The following ANKS1B variants were observed in gnomAD, a reference collection of about 807,000 sequenced individuals.
ANKS1B encodes ankyrin repeat and sterile alpha motif domain containing 1B.
Under a neutral mutation model 148.3 loss-of-function variants are expected in ANKS1B, and 36 were observed. The ratio of observed to expected loss-of-function variants is 0.24; its 90% CI spans 0.19 to 0.32. The LOEUF is 0.32. Ranked by LOEUF, ANKS1B falls within the 10% of genes least tolerant of loss-of-function variation. The probability of loss-of-function intolerance (pLI) is 1.00; values close to 1 mark genes in which losing one functional copy is unlikely to be tolerated. For missense variants in ANKS1B, 1,157 were observed against 1,542.6 expected (o/e 0.75, Z 4.19); for synonymous variants, 542 against 560.8 (o/e 0.97, Z 0.47).
At position 99,542,101 on chromosome 12, in the gene ANKS1B, T is replaced by C. The variant is rs189019903; in HGVS notation, c.1273-37460A>G. 7.2e-5 allele frequency among the ~76,000 whole-genome samples: 11 copies of C among 152,254 alleles called. No individual in the cohort carries two copies. In the East Asian group the frequency reaches 9.7e-4, roughly 13 times the overall value. ...ATAGGAAAAACAAACAGCATCCAGA[T>C]TGGAAAGAAAGAAGTAAAACTATCT... On this transcript the variant is annotated intron_variant, in intron 9 of 26. Coordinates refer to ENST00000683438, the MANE Select transcript of ANKS1B (RefSeq NM_001352186.2).
intron 17 of ANKS1B, among the ~76,000 whole-genome samples, chr12:98,861,900 A>G (rs192843678): frequency 2.8e-4 from 43 of 152,332 alleles, no homozygotes; most frequent in African/African-American, 1.0e-3. Context: ...ACACTTTGAA[A>G]AGAATGATCC....
chr12:98,993,415 C>T (rs574823006), intron 17 of ANKS1B, among the ~76,000 whole-genome samples: 5 of 152,264 alleles, frequency 3.3e-5, no homozygotes, highest in East Asian at 3.9e-4. Context: ...GTGATCCGCC[C>T]GCCTTGGCCT....
At chr12:99,040,275 CGT>C (rs146791344) in intron 17 of ANKS1B, among the ~76,000 whole-genome samples, 202 of 146,754 alleles carry the variant, frequency 1.4e-3, no homozygotes, top group African/African-American at 2.2e-3. Flanking sequence ...TGTGCGTGTG[CGT>C]GTGTGTGTGT....
At chr12:99,743,071 T>C (rs1166305032) in intron 8 of ANKS1B, among the ~76,000 whole-genome samples, 1 of 152,202 alleles carries the variant, frequency 6.6e-6, no homozygotes, top group African/African-American at 2.4e-5. Context: ...TTCTCTAGTT[T>C]ATAGCCTAGC....
intron 9 of ANKS1B, among the ~76,000 whole-genome samples, chr12:99,593,927 T>C (rs939461594): frequency 6.6e-6 from 1 of 152,086 alleles, no homozygotes; most frequent in African/African-American, 2.4e-5. Flanking sequence ...TTATCATTTA[T>C]GCTGACAAGC....
chr12:98,782,765 C>T (rs1481857829), intron 22 of ANKS1B, among the ~76,000 whole-genome samples: 2 of 152,208 alleles, frequency 1.3e-5, no homozygotes, highest in Non-Finnish European at 2.9e-5. Flanking sequence ...TGTGAAAAAG[C>T]AGCTCTCTTG....
chr12:99,358,640 G>A (rs567260553), intron 12 of ANKS1B, among the ~76,000 whole-genome samples: 19 of 151,916 alleles, frequency 1.3e-4, no homozygotes, highest in African/African-American at 3.6e-4. Context: ...GTATCTTGCC[G>A]GGAAAAGTTC....
intron 14 of ANKS1B, among the ~76,000 whole-genome samples, chr12:99,243,034 T>C (rs1347402907): frequency 6.6e-6 from 1 of 152,158 alleles, no homozygotes; most frequent in African/African-American, 2.4e-5. Context: ...AAAGCCAGAA[T>C]AGACAAATGG....
At chr12:99,344,629 T>C (rs2090406078) in intron 12 of ANKS1B, among the ~76,000 whole-genome samples, 1 of 152,068 alleles carries the variant, frequency 6.6e-6, no homozygotes, top group Non-Finnish European at 1.5e-5. Context: ...TCTTGCCTAC[T>C]TTTGGGCAAC....
intron 17 of ANKS1B, among the ~76,000 whole-genome samples, chr12:98,869,603 T>G (rs1248653019): frequency 6.6e-6 from 1 of 151,998 alleles, no homozygotes; most frequent in Non-Finnish European, 1.5e-5. Flanking sequence ...TCAGTAGCCA[T>G]CAATCTAATT....
chr12:99,355,756 C>A (rs1469667919), intron 12 of ANKS1B, among the ~76,000 whole-genome samples: 2 of 152,110 alleles, frequency 1.3e-5, no homozygotes, highest in Non-Finnish European at 2.9e-5. Flanking sequence ...TACTTAAGAA[C>A]TATTTACCCA....
Position 98,895,174 on chromosome 12 carries a change from G to A in ANKS1B, c.2779-63038C>T, listed in dbSNP as rs918888572. On this transcript the variant is annotated intron_variant, in intron 17 of 26. Transcript: ENST00000683438. ...CACTGCGAGAGCGATGCGGGCCCAG[G>A]CGCGGCGCGCGGGGGCTGCAGGGCG... 5 of 984,864 alleles carry A rather than the reference G, an allele frequency of 5.1e-6. No individual in the cohort carries two copies. In the African/African-American group the frequency reaches 8.8e-5, roughly 17 times the overall value. The allele number at this position is 984,864 out of a possible 1,614,324, so 61.0% of individuals were successfully genotyped here.
At chr12:99,841,880 C>G (rs2085803543) in intron 1 of ANKS1B, among the ~76,000 whole-genome samples, 4 of 151,868 alleles carry the variant, frequency 2.6e-5, no homozygotes, top group Admixed American at 1.3e-4. Flanking sequence ...CTTGGTTAGT[C>G]TAGGTGGGGC....
At chr12:98,945,338 T>C (rs2099843402) in intron 17 of ANKS1B, among the ~76,000 whole-genome samples, 2 of 151,618 alleles carry the variant, frequency 1.3e-5, no homozygotes, top group East Asian at 3.9e-4. Context: ...TCTACAAAAA[T>C]ACAAAAATTA....
At chr12:98,932,272 G>T (rs75926913) in intron 17 of ANKS1B, among the ~76,000 whole-genome samples, 2,122 of 152,218 alleles carry the variant, frequency 0.014, 51 homozygotes, top group African/African-American at 0.048. Context: ...GCTTTCTTTA[G>T]TCATAGTCAC....
In ANKS1B at chr12:99,672,116, G is replaced by A. The variant is rs533792255; in HGVS notation, c.1129-16906C>T. ...TGTCAGCATTTAATTAAATCTCCCT[G>A]ACCCAGGTTCAAATGCCAGAATTGG... On this transcript the variant is annotated intron_variant, in intron 8 of 26. Coordinates refer to ENST00000683438, the MANE Select transcript of ANKS1B (RefSeq NM_001352186.2). Among the ~76,000 whole-genome samples the A allele has an allele frequency of 1.8e-4, 27 of 152,032 alleles. 1 individual carries two copies. Among genetic ancestry groups the A allele is most frequent in the African/African-American group, 6.5e-4 (27 of 41,468 alleles).
intron 8 of ANKS1B, among the ~76,000 whole-genome samples, chr12:99,747,774 C>A (rs2153589869): frequency 6.6e-6 from 1 of 152,156 alleles, no homozygotes. Context: ...CTAAGCCCTA[C>A]CTTTCAAAAT....
chr12:98,770,347 T>C (rs17028674), intron 25 of ANKS1B, among the ~76,000 whole-genome samples: 3 of 152,188 alleles, frequency 2.0e-5, no homozygotes, highest in Non-Finnish European at 4.4e-5. Context: ...TAAACCAAAA[T>C]AGATGTGAAC....
intron 1 of ANKS1B, among the ~76,000 whole-genome samples, chr12:99,940,437 G>A (rs919778829): frequency 1.3e-5 from 2 of 151,986 alleles, no homozygotes; most frequent in African/African-American, 2.4e-5. Context: ...GTTTCAGGGG[G>A]AAAAAAACTA....
Sources: allele counts gnomAD v4.1 joint callset (sites outside exome capture counted in the v4.1 genomes callset), GRCh38; gene constraint gnomAD v4.1.1; transcripts MANE v1.5; gene names NCBI Gene and HGNC (gene_info 2026-07-23, HGNC 2026-07-21).